The following USP25 variants were observed in gnomAD, a reference collection of about 807,000 sequenced individuals.
The protein encoded by USP25 is ubiquitin specific peptidase 25.
Under a neutral mutation model 158.5 loss-of-function variants are expected in USP25, and 85 were observed. That is an observed-to-expected ratio of 0.54 (90% CI 0.45 to 0.64). USP25 has a LOEUF of 0.64. USP25 is among the 30% of genes least tolerant of loss of function. The probability of loss-of-function intolerance (pLI) is 0.00; values close to 1 mark genes in which losing one functional copy is unlikely to be tolerated. For missense variants in USP25, 1,242 were observed against 1,327.3 expected (o/e 0.94, Z 1.00); for synonymous variants, 464 against 460.4 (o/e 1.01, Z -0.10).
At chr21:15,742,555 T>C (rs1601247633) in intron 1 of USP25, among the ~76,000 whole-genome samples, 1 of 152,160 alleles carries the variant, frequency 6.6e-6, no homozygotes, top group Admixed American at 6.5e-5. Context: ...CTGGGCTGGG[T>C]CTGGGTGTCT....
chr21:15,866,904 C>T (rs889787134), intron 22 of USP25, among the ~76,000 whole-genome samples: 6 of 152,232 alleles, frequency 3.9e-5, no homozygotes, highest in African/African-American at 9.6e-5. Context: ...CTAATAGAAC[C>T]TACATTCTTA....
intron 1 of USP25, among the ~76,000 whole-genome samples, chr21:15,740,574 G>A (rs538310599): frequency 3.8e-4 from 57 of 148,156 alleles, no homozygotes; most frequent in East Asian, 4.1e-4. Context: ...AAGTTGAATC[G>A]ATGGATTAAG....
chr21:15,821,971 T>C lies in USP25; in HGVS notation c.1081-2068T>C, dbSNP rs927636979. On this transcript the variant is annotated intron_variant, in intron 10 of 25. Transcript: ENST00000400183. ...TGCTGCCAATACTGATTATGTAAGT[T>C]CTTTATTCACTAACTGCAGAAATCT... 3.3e-5 allele frequency among the ~76,000 whole-genome samples: 5 copies of C among 152,054 alleles called. No homozygotes were observed. In the South Asian group the frequency reaches 1.0e-3, roughly 31 times the overall value.
In USP25 at chr21:15,793,663, T is replaced by A. The variant is rs1047827065; in HGVS notation, c.555+1999T>A. On this transcript the variant is annotated intron_variant, in intron 5 of 25. Coordinates refer to ENST00000400183, the MANE Select transcript of USP25 (RefSeq NM_001283041.3). ...CTAAACATCTAGGAGAAGTAACCTA[T>A]AAGCTTAAAAATTCAGGTTATAATG... Among the ~76,000 whole-genome samples the A allele has an allele frequency of 5.9e-5, 9 of 151,532 alleles. No individual in the cohort carries two copies. In the Admixed American group the frequency reaches 5.9e-4, roughly 10 times the overall value.
At chr21:15,784,816 C>T (rs766695874) in intron 4 of USP25, among the ~76,000 whole-genome samples, 43 of 151,906 alleles carry the variant, frequency 2.8e-4, no homozygotes, top group Non-Finnish European at 8.8e-5. Context: ...AACCACCAAA[C>T]CACAGAAGTA....
chr21:15,813,520 A>G (rs1445777150), intron 9 of USP25, among the ~76,000 whole-genome samples: 1 of 152,200 alleles, frequency 6.6e-6, no homozygotes, highest in Non-Finnish European at 1.5e-5. Flanking sequence ...ACCCAGTTTT[A>G]TATCAAAAGA....
intron 10 of USP25, among the ~76,000 whole-genome samples, chr21:15,822,384 A>G (rs1047919381): frequency 6.6e-6 from 1 of 152,016 alleles, no homozygotes. Context: ...GACATATTAC[A>G]TAACATTTTT....
In USP25 at chr21:15,750,214, GTTTTTTTTTTTT is replaced by G. The variant is rs35867462; in HGVS notation, c.46-12665_46-12654del. On this transcript the variant is annotated intron_variant, in intron 1 of 25. Coordinates refer to ENST00000400183, the MANE Select transcript of USP25 (RefSeq NM_001283041.3). ...TGTGTGTGTGTGTGTGTGTGTGTAT[GTTTTTTTTTTTT>G]TTTTTTTTTTTCCTTGAGACAGAGT... Among the ~76,000 whole-genome samples, 5 of 65,634 alleles carry G rather than the reference GTTTTTTTTTTTT, an allele frequency of 7.6e-5. No homozygotes were observed. The East Asian group carries it at 2.2e-3, about 29-fold the overall frequency. The allele number at this position is 65,634 out of a possible 152,430, so 43.1% of individuals were successfully genotyped here.
rs57479400 is a variant in USP25, at chr21:15,845,884, G to A, written c.2338-1779G>A. ...ACATCTCTGTAGAATGTGTGTGATA[G>A]TAGTATTAGGTTAAAATTATTCAAA... On this transcript the variant is annotated intron_variant, in intron 18 of 25. Transcript: ENST00000400183. Among the ~76,000 whole-genome samples, 521 of 151,882 alleles carry A rather than the reference G, an allele frequency of 3.4e-3. 4 individuals carry two copies. Among genetic ancestry groups the A allele is most frequent in the African/African-American group, 0.011 (470 of 41,452 alleles).
chr21:15,826,511 T>C lies in USP25; in HGVS notation c.1466+146T>C. 1.1e-6 allele frequency: 1 copy of C among 902,494 alleles called. No homozygotes were observed. Among genetic ancestry groups the C allele is most frequent in the Non-Finnish European group, 1.6e-6 (1 of 610,512 alleles). The allele number at this position is 902,494 out of a possible 1,614,324, so 55.9% of individuals were successfully genotyped here. A position where few individuals can be genotyped will look rare whatever the true frequency, so the allele number is the denominator to read the frequency against. ...GAGTAGATTCACTTAGAAGACTGTATGTCCTCTGGGAGTTTTTTTATTATT... is the reference window on the plus strand; with the variant it reads ...GAGTAGATTCACTTAGAAGACTGTACGTCCTCTGGGAGTTTTTTTATTATT... On this transcript the variant is annotated intron_variant, in intron 13 of 25. Coordinates refer to ENST00000400183, the MANE Select transcript of USP25 (RefSeq NM_001283041.3). The surrounding 1 kb of genome is among the most constrained non-coding windows in gnomAD (Gnocchi z 4.8).
intron 9 of USP25, among the ~76,000 whole-genome samples, chr21:15,818,191 C>T (rs1174548412): frequency 6.6e-6 from 1 of 152,186 alleles, no homozygotes; most frequent in African/African-American, 2.4e-5. Flanking sequence ...CTTCCCTGCT[C>T]TCCCCACCAC....
At chr21:15,799,349 A>G (rs141080114) in intron 5 of USP25, among the ~76,000 whole-genome samples, 43 of 151,374 alleles carry the variant, frequency 2.8e-4, no homozygotes, top group African/African-American at 9.6e-4. Context: ...TCTATTACCT[A>G]GGATCTGATG....
intron 10 of USP25, among the ~76,000 whole-genome samples, chr21:15,823,732 A>G (rs1270100450): frequency 6.6e-6 from 1 of 152,198 alleles, no homozygotes; most frequent in Non-Finnish European, 1.5e-5. Flanking sequence ...CTACTAAGTC[A>G]TGGTTTTAAC....
intron 1 of USP25, among the ~76,000 whole-genome samples, chr21:15,742,664 G>A (rs1253274203): frequency 6.6e-6 from 1 of 152,114 alleles, no homozygotes; most frequent in African/African-American, 2.4e-5. Context: ...AACGAGAAAT[G>A]GTCCACTACC....
intron 5 of USP25, among the ~76,000 whole-genome samples, chr21:15,799,211 C>G (rs756773278): frequency 6.6e-6 from 1 of 151,192 alleles, no homozygotes; most frequent in Non-Finnish European, 1.5e-5. Flanking sequence ...CCTGCATATG[C>G]TCCATTAGAT....
At chr21:15,873,316 C>T (rs1242959384) in intron 23 of USP25, among the ~76,000 whole-genome samples, 1 of 150,874 alleles carries the variant, frequency 6.6e-6, no homozygotes, top group Non-Finnish European at 1.5e-5. Context: ...ATGGGGGTGT[C>T]AACTATGTTG....
chr21:15,838,250 T>G (rs985649457), intron 17 of USP25, among the ~76,000 whole-genome samples: 1 of 151,706 alleles, frequency 6.6e-6, no homozygotes, highest in African/African-American at 2.4e-5. Flanking sequence ...CTTATTTATA[T>G]CTCCAGCATC....
intron 1 of USP25, among the ~76,000 whole-genome samples, chr21:15,759,759 A>AC (rs982960660): frequency 1.3e-5 from 2 of 151,770 alleles, no homozygotes; most frequent in East Asian, 1.9e-4. Flanking sequence ...AGGCATGTCT[A>AC]CCCCCCACTT....
chr21:15,813,071 T>A (rs1455823381), intron 9 of USP25, among the ~76,000 whole-genome samples: 1 of 151,648 alleles, frequency 6.6e-6, no homozygotes, highest in Admixed American at 6.6e-5. Flanking sequence ...AAGCTGTTCA[T>A]CTTTTCTGTG....
Sources: gnomAD v4.1 joint callset for allele counts (sites outside exome capture counted in the v4.1 genomes callset) on GRCh38, gnomAD v4.1.1 for gene constraint, Gnocchi (gnomAD v3.1) non-coding constraint, MANE v1.5 for transcripts, NCBI Gene and HGNC (gene_info 2026-07-23, HGNC 2026-07-21) for gene names.